Variants in WDR17 observed in about 807,000 individuals in gnomAD.
The protein encoded by WDR17 is WD repeat-containing protein 17.
Under a neutral mutation model 161.7 loss-of-function variants are expected in WDR17, and 143 were observed. That is an observed-to-expected ratio of 0.88 (90% CI 0.77 to 1.02). WDR17 has a LOEUF of 1.02. Ranked by LOEUF, WDR17 falls within the 50% of genes least tolerant of loss-of-function variation. The probability of loss-of-function intolerance (pLI) is 0.00; values close to 1 mark genes in which losing one functional copy is unlikely to be tolerated. For missense variants in WDR17, 1,469 were observed against 1,520.9 expected, an observed-to-expected ratio of 0.97 and a Z score of 0.57; for synonymous variants, 517 against 515.6, an observed-to-expected ratio of 1.00 and a Z score of -0.04.
Position 176,142,066 on chromosome 4 carries a change from A to G in WDR17, c.1526A>G (p.Asn509Ser). 1 of 1,608,598 alleles carries G rather than the reference A, an allele frequency of 6.2e-7. No individual in the cohort carries two copies. Residue 509 changes from asparagine (N) to serine (S), a missense_variant, in exon 11 of 29, where the codon AAT becomes AGT. Asn to Ser is a conservative substitution (Grantham distance 46). Transcript: ENST00000508596. ...AVFGCDWSQN[N>S]KDMIATGCED... ...TTTGGTTGTGATTGGAGCCAAAACA[A>G]TAAGTAAGTGGTTTTTTTTCCTGAA...
At chr4:176,128,607 A>C in intron 5 of WDR17, 131 bp from the exon 6 acceptor site, 1 of 844,398 alleles carries the variant, frequency 1.2e-6, no homozygotes, top group Non-Finnish European at 1.8e-6. Flanking sequence ...ACTGTATGGT[A>C]TTGTTGTTAA....
rs190977764 is a variant in WDR17 at position 176,075,192 on chromosome 4, T to C, written c.-7+9113T>C. ...TTTTTCTTTCAATTTTATGATCTAT[T>C]TTAACAAAAAAAATTCAAGATTTTG... On this transcript the variant is annotated intron_variant, in intron 1 of 28. Coordinates refer to ENST00000508596, the MANE Select transcript of WDR17 (RefSeq NM_181265.4). Among the ~76,000 whole-genome samples, 2 of 106,072 alleles carry C rather than the reference T, an allele frequency of 1.9e-5. 1 individual carries two copies. The highest frequency in any genetic ancestry group is 5.5e-5 in the African/African-American group (2 of 36,294). The allele number at this position is 106,072 out of a possible 152,430, so 69.6% of individuals were successfully genotyped here.
chr4:176,152,229 A>T (rs1209617622), intron 17 of WDR17, among the ~76,000 whole-genome samples: 1 of 145,384 alleles, frequency 6.9e-6, no homozygotes, highest in African/African-American at 2.6e-5. Flanking sequence ...CAGGAGGCAG[A>T]GGTTGCAGTG....
Position 176,125,350 on chromosome 4 carries a change from C to G in WDR17, c.785C>G (p.Thr262Ser), listed in dbSNP as rs146246742. ...WVPSAPGMFI[T>S]GDSQVGVLRI... The stretch of plus-strand genomic sequence containing the variant: ...CCCAGTGCTCCTGGGATGTTTATAA[C>G]TGGAGGTAAGCTAATCCCCATAACC... The change falls in exon 5 of 29, where the codon ACT (threonine) becomes AGT (serine). Residue 262 changes from threonine to serine, a missense_variant. Thr to Ser is a moderately conservative substitution (Grantham distance 58). Transcript: ENST00000508596. The G allele has an allele frequency of 7.4e-6, 12 of 1,613,748 alleles. No homozygotes were observed. The African/African-American group carries it at 1.6e-4, about 22-fold the overall frequency.
At position 176,146,405 on chromosome 4, in the gene WDR17, C is replaced by T. The variant is rs942110157; in HGVS notation, c.1694+246C>T. Among the ~76,000 whole-genome samples the T allele has an allele frequency of 3.9e-5, 6 of 152,112 alleles. No homozygotes were observed. The East Asian group carries it at 9.7e-4, about 25-fold the overall frequency. ...TTAGTATTGAATGATTAAGCATTTT[C>T]GTTGAATTTTTGGCATAAATCCAAA... On this transcript the variant is annotated intron_variant, in intron 12 of 28. Coordinates refer to ENST00000508596, the MANE Select transcript of WDR17 (RefSeq NM_181265.4).
intron 1 of WDR17, among the ~76,000 whole-genome samples, chr4:176,070,479 G>C (rs1052959045): frequency 6.6e-6 from 1 of 152,070 alleles, no homozygotes; most frequent in African/African-American, 2.4e-5. Flanking sequence ...TTCGAGTTTA[G>C]TTAGTTTATG....
chr4:176,076,383 C>A (rs113265376), intron 1 of WDR17, among the ~76,000 whole-genome samples: 10 of 124,854 alleles, frequency 8.0e-5, no homozygotes, highest in Non-Finnish European at 1.7e-4. Flanking sequence ...CTTTTTTTAA[C>A]CCAGTAAATG....
intron 20 of WDR17, 58 bp from the exon 21 acceptor site, chr4:176,162,017 T>C: frequency 7.1e-7 from 1 of 1,404,116 alleles, no homozygotes; most frequent in Non-Finnish European, 9.8e-7. Context: ...AAAGTATTAG[T>C]TTGCTTTTAT....
At chr4:176,100,879 A>G (rs1486452794) in intron 1 of WDR17, among the ~76,000 whole-genome samples, 1 of 152,058 alleles carries the variant, frequency 6.6e-6, no homozygotes, top group Non-Finnish European at 1.5e-5. Context: ...GGCCTTGTTA[A>G]AGATCAATTC....
At position 176,139,995 on chromosome 4, in the gene WDR17, A is replaced by G. The variant is rs768336920; in HGVS notation, c.1442+21A>G. The G allele has an allele frequency of 2.6e-6, 4 of 1,561,938 alleles. No individual in the cohort carries two copies. In the South Asian group the frequency reaches 3.4e-5, roughly 13 times the overall value. On this transcript the variant is annotated intron_variant, in intron 10 of 28. Transcript: ENST00000508596. The stretch of plus-strand genomic sequence containing the variant: ...TTCTGGTAAGTACTATGTATGATAC[A>G]TGATATGAAATTACACTGTTTATAA...
At chr4:176,166,189 A>G (rs1749751807) in intron 22 of WDR17, 1 of 626,512 alleles carries the variant, frequency 1.6e-6, no homozygotes, top group Non-Finnish European at 2.6e-6. Flanking sequence ...TAAAATGTAT[A>G]TACTCCTTTA....
chr4:176,172,220 A>G, intron 23 of WDR17, 155 bp from the exon 24 acceptor site: 1 of 663,464 alleles, frequency 1.5e-6, no homozygotes. Flanking sequence ...TTCCATAAAT[A>G]TATTCTCTTA....
At chr4:176,066,630 T>G (rs1246605600) in intron 1 of WDR17, among the ~76,000 whole-genome samples, 1 of 152,178 alleles carries the variant, frequency 6.6e-6, no homozygotes, top group Non-Finnish European at 1.5e-5. Flanking sequence ...TTGTTTTGCT[T>G]GCAAAGATTG....
chr4:176,135,997 G>A (rs1309162207), intron 8 of WDR17, among the ~76,000 whole-genome samples: 1 of 151,486 alleles, frequency 6.6e-6, no homozygotes, highest in East Asian at 1.9e-4. Context: ...TCTTAACTTT[G>A]AATATTTGGG....
chr4:176,077,941 T>C (rs1734261527), intron 1 of WDR17, among the ~76,000 whole-genome samples: 1 of 152,106 alleles, frequency 6.6e-6, no homozygotes, highest in Non-Finnish European at 1.5e-5. Context: ...AATTTCAAGA[T>C]TAAACACATT....
At chr4:176,158,479 A>G (rs1197680280) in intron 18 of WDR17, among the ~76,000 whole-genome samples, 2 of 152,240 alleles carry the variant, frequency 1.3e-5, no homozygotes, top group Admixed American at 6.5e-5. Context: ...CAACAACAGC[A>G]AAACCATTAG....
intron 1 of WDR17, among the ~76,000 whole-genome samples, chr4:176,071,935 C>G (rs879594423): frequency 3.3e-5 from 5 of 152,062 alleles, no homozygotes; most frequent in Admixed American, 1.3e-4. Context: ...AGTGTTTGGT[C>G]TTAGATATAA....
At chr4:176,077,829 A>G (rs1323125727) in intron 1 of WDR17, among the ~76,000 whole-genome samples, 1 of 152,040 alleles carries the variant, frequency 6.6e-6, no homozygotes, top group African/African-American at 2.4e-5. Flanking sequence ...ATATCTCCTC[A>G]TGATAATAAA....
chr4:176,120,915 T>G (rs182490772), intron 4 of WDR17, among the ~76,000 whole-genome samples: 1 of 152,226 alleles, frequency 6.6e-6, no homozygotes, highest in East Asian at 1.9e-4. Context: ...AATAAATCTT[T>G]CTTCAGGAAA....
Sources: gnomAD v4.1 joint callset for allele counts (sites outside exome capture counted in the v4.1 genomes callset) on GRCh38, gnomAD v4.1.1 for gene constraint, MANE v1.5 for transcripts, NCBI Gene and HGNC (gene_info 2026-07-23, HGNC 2026-07-21) for gene names.